The following CCBE1 variants were observed in gnomAD, a reference collection of about 807,000 sequenced individuals.
CCBE1 encodes collagen and calcium-binding EGF domain-containing protein 1.
Under a neutral mutation model 50.0 loss-of-function variants are expected in CCBE1, and 37 were observed. The ratio of observed to expected loss-of-function variants is 0.74; its 90% CI spans 0.57 to 0.97. The LOEUF (loss-of-function observed/expected upper bound fraction) is 0.97. CCBE1 is among the 50% of genes least tolerant of loss of function. CCBE1 has a pLI of 0.00. For synonymous variants in CCBE1, 234 were observed against 203.7 expected (o/e 1.15, Z -1.27); for missense variants, 538 against 523.8 (o/e 1.03, Z -0.26).
chr18:59,617,296 A>G (rs994618784), intron 2 of CCBE1, among the ~76,000 whole-genome samples: 2 of 152,202 alleles, frequency 1.3e-5, no homozygotes, highest in African/African-American at 4.8e-5. Flanking sequence ...ATTCAGTAAC[A>G]TTTTTGATAA....
rs1310365778 is a variant in CCBE1 at position 59,697,194 on chromosome 18, G to A, written c.131+18C>T. 7.1e-6 allele frequency: 11 copies of A among 1,548,114 alleles called. No individual in the cohort carries two copies. Among genetic ancestry groups the A allele is most frequent in the Non-Finnish European group, 9.6e-6 (11 of 1,146,638 alleles). The stretch of plus-strand genomic sequence containing the variant: ...ATCAAGCAGGAGCTCGCCCTCCGCT[G>A]GGGCTTGCAGCGCTTACCTGTCGCC... On this transcript the variant is annotated intron_variant, in intron 1 of 10. Coordinates refer to ENST00000439986, the MANE Select transcript of CCBE1 (RefSeq NM_133459.4).
intron 2 of CCBE1, among the ~76,000 whole-genome samples, chr18:59,592,767 T>C (rs918775072): frequency 4.0e-4 from 61 of 151,702 alleles, no homozygotes; most frequent in African/African-American, 1.4e-3. Context: ...TAGTTTTGCC[T>C]TCTGGAACCA....
rs777790211 is a variant in CCBE1, at chr18:59,438,129, A to T, written c.969T>A (p.Pro323=). Reference sequence around the variant, plus strand: ...TACTTACTGGAGACCCTCTGGGCCCAGGCGCTCCTCTCTCCCCCTAAAAAC... The same window carrying T: ...TACTTACTGGAGACCCTCTGGGCCCTGGCGCTCCTCTCTCCCCCTAAAAAC... ...RDGSKGERGA[P]GPRGSPGPPG... is the part of the protein sequence containing the mutation. The change falls in exon 10 of 11, where the codon CCT becomes CCA. Residue 323 remains proline, a synonymous_variant. Transcript: ENST00000439986. The T allele has an allele frequency of 1.2e-6, 2 of 1,614,120 alleles. No homozygotes were observed. Among genetic ancestry groups the T allele is most frequent in the East Asian group, 2.2e-5 (1 of 44,880 alleles).
At chr18:59,652,837 G>T (rs992124585) in intron 2 of CCBE1, among the ~76,000 whole-genome samples, 1 of 152,092 alleles carries the variant, frequency 6.6e-6, no homozygotes, top group African/African-American at 2.4e-5. Flanking sequence ...GGCGGCGGGC[G>T]CCTGTAGTCC....
intron 6 of CCBE1, among the ~76,000 whole-genome samples, chr18:59,453,869 A>T (rs189716718): frequency 3.5e-3 from 529 of 152,316 alleles, no homozygotes; most frequent in Non-Finnish European, 5.0e-3. Flanking sequence ...GGTCCAGGAC[A>T]GTTGTTCAAG....
chr18:59,657,682 G>C (rs1233105720), intron 2 of CCBE1, among the ~76,000 whole-genome samples: 1 of 152,328 alleles, frequency 6.6e-6, no homozygotes, highest in East Asian at 1.9e-4. Flanking sequence ...CCTGAGGCCA[G>C]GAGTTCGAGA....
chr18:59,519,755 G>C (rs1412533959), intron 2 of CCBE1, among the ~76,000 whole-genome samples: 1 of 152,198 alleles, frequency 6.6e-6, no homozygotes, highest in African/African-American at 2.4e-5. Flanking sequence ...CCATGCCTAT[G>C]TTCTGAATGG....
At chr18:59,451,859 A>G (rs1483003207) in intron 6 of CCBE1, among the ~76,000 whole-genome samples, 1 of 152,182 alleles carries the variant, frequency 6.6e-6, no homozygotes, top group Non-Finnish European at 1.5e-5. Flanking sequence ...TCAATCCAAC[A>G]GAACTTTGCC....
rs144167611 is a variant in CCBE1 at position 59,582,872 on chromosome 18, G to A, written c.213-102634C>T. ...CTGTCACCCAGGCTGAAGTGCAGTG[G>A]CACTATCATAGCTCACTGCAGCCTC... On this transcript the variant is annotated intron_variant, in intron 2 of 10. Coordinates refer to ENST00000439986, the MANE Select transcript of CCBE1 (RefSeq NM_133459.4). 7.3e-3 allele frequency among the ~76,000 whole-genome samples: 1,115 copies of A among 152,252 alleles called. 8 individuals are homozygous for A. The highest frequency in any genetic ancestry group is 0.017 in the Middle Eastern group (5 of 292).
At chr18:59,601,315 G>T (rs1365164271) in intron 2 of CCBE1, among the ~76,000 whole-genome samples, 1 of 151,994 alleles carries the variant, frequency 6.6e-6, no homozygotes, top group Non-Finnish European at 1.5e-5. Context: ...CCAGTGGGAG[G>T]TAACTGAATC....
intron 2 of CCBE1, among the ~76,000 whole-genome samples, chr18:59,585,236 T>C (rs2053161236): frequency 6.6e-6 from 1 of 152,168 alleles, no homozygotes; most frequent in Non-Finnish European, 1.5e-5. Context: ...ATGCCACCTC[T>C]ACTCCCAAGG....
intron 2 of CCBE1, among the ~76,000 whole-genome samples, chr18:59,689,226 C>G (rs1387741526): frequency 2.6e-5 from 4 of 152,262 alleles, no homozygotes; most frequent in African/African-American, 9.6e-5. Flanking sequence ...TGGGACAGCC[C>G]ACGGGGCTGA....
At chr18:59,656,355 T>G (rs1377811908) in intron 2 of CCBE1, among the ~76,000 whole-genome samples, 1 of 152,222 alleles carries the variant, frequency 6.6e-6, no homozygotes, top group African/African-American at 2.4e-5. Flanking sequence ...AAAACATTCA[T>G]GTTTGTGGCT....
intron 2 of CCBE1, among the ~76,000 whole-genome samples, chr18:59,649,891 C>T (rs926857774): frequency 3.3e-5 from 5 of 152,194 alleles, no homozygotes; most frequent in Admixed American, 6.5e-5. Context: ...GAGCTCTGAG[C>T]CTTGGGGTCC....
chr18:59,525,483 G>A (rs866465267), intron 2 of CCBE1, among the ~76,000 whole-genome samples: 3 of 152,098 alleles, frequency 2.0e-5, no homozygotes, highest in African/African-American at 2.4e-5. Flanking sequence ...AAAGTTCCTC[G>A]TAGATTCTGA....
At chr18:59,563,991 T>G (rs1192540887) in intron 2 of CCBE1, 1 of 152,142 alleles carries the variant, frequency 6.6e-6, no homozygotes, top group Non-Finnish European at 1.5e-5. Context: ...GATGAACCTA[T>G]GCTGAGTAGA....
At chr18:59,664,391 G>A (rs1322543382) in intron 2 of CCBE1, among the ~76,000 whole-genome samples, 1 of 152,112 alleles carries the variant, frequency 6.6e-6, no homozygotes, top group Non-Finnish European at 1.5e-5. Flanking sequence ...TATGTATGTG[G>A]CAACTGAGGA....
intron 2 of CCBE1, among the ~76,000 whole-genome samples, chr18:59,642,846 GGCTGAGGCAGGAGAATC>G (rs2054007819): frequency 6.6e-6 from 1 of 151,534 alleles, no homozygotes; most frequent in South Asian, 2.1e-4. Context: ...CTATTCGGGA[GGCTGAGGCAGGAGAATC>G]GCTTGAACCT....
intron 2 of CCBE1, among the ~76,000 whole-genome samples, chr18:59,637,318 C>A (rs1172975627): frequency 1.3e-5 from 2 of 151,918 alleles, no homozygotes; most frequent in African/African-American, 2.4e-5. Flanking sequence ...ATTCTTGATC[C>A]AATGAAATTA....
Sources: allele counts gnomAD v4.1 joint callset (sites outside exome capture counted in the v4.1 genomes callset), GRCh38; gene constraint gnomAD v4.1.1; transcripts MANE v1.5; gene names NCBI Gene and HGNC (gene_info 2026-07-23, HGNC 2026-07-21).